The following DAPK1 variants were observed in gnomAD, a reference collection of about 807,000 sequenced individuals.
DAPK1 encodes death-associated protein kinase 1.
A neutral mutation model predicts 144.9 loss-of-function variants in DAPK1; 56 were observed. That is an observed-to-expected ratio of 0.39 (90% CI 0.31 to 0.48). The LOEUF is 0.48. Among genes scored for constraint, DAPK1 ranks in the 20% least tolerant of loss-of-function variants. The pLI, the probability that DAPK1 is intolerant of heterozygous loss-of-function variation, is 0.95. For missense variants in DAPK1, 1,454 were observed against 1,875.4 expected, an observed-to-expected ratio of 0.78 and a Z score of 4.15; for synonymous variants, 690 against 749.0, an observed-to-expected ratio of 0.92 and a Z score of 1.29.
intron 2 of DAPK1, among the ~76,000 whole-genome samples, chr9:87,584,585 TCTC>T (rs1827873094): frequency 6.6e-6 from 1 of 152,208 alleles, no homozygotes; most frequent in South Asian, 2.1e-4. Flanking sequence ...GTACAAGGGT[TCTC>T]TTTTCTCCAC....
rs145593812 is a variant in DAPK1, at chr9:87,636,201, C to G, written c.285-1742C>G. Among the ~76,000 whole-genome samples, 435 of 152,290 alleles carry G rather than the reference C, an allele frequency of 2.9e-3. 2 individuals carry two copies. Among genetic ancestry groups the G allele is most frequent in the African/African-American group, 9.8e-3 (409 of 41,572 alleles). The stretch of plus-strand genomic sequence containing the variant: ...GGTCAGGAGGAGAGCAAGGCCACTG[C>G]TGAGGCAGGGTCCATGTAGGACACC... On this transcript the variant is annotated intron_variant, in intron 3 of 25. Coordinates refer to ENST00000408954, the MANE Select transcript of DAPK1 (RefSeq NM_004938.4).
At chr9:87,617,152 G>A (rs949911601) in intron 3 of DAPK1, among the ~76,000 whole-genome samples, 1 of 152,170 alleles carries the variant, frequency 6.6e-6, no homozygotes, top group Non-Finnish European at 1.5e-5. Context: ...CATAGTTAGG[G>A]TCCATTTGAT....
chr9:87,520,646 A>G (rs1825261736), intron 2 of DAPK1, among the ~76,000 whole-genome samples: 1 of 152,184 alleles, frequency 6.6e-6, no homozygotes, highest in Non-Finnish European at 1.5e-5. Context: ...CCTCGAAGAT[A>G]GGTGGGAAGT....
intron 2 of DAPK1, among the ~76,000 whole-genome samples, chr9:87,584,434 G>C (rs1420470455): frequency 6.6e-6 from 1 of 152,016 alleles, no homozygotes; most frequent in African/African-American, 2.4e-5. Flanking sequence ...ACATCTCTTT[G>C]ACATACTGAT....
At chr9:87,575,411 G>A (rs1020439427) in intron 2 of DAPK1, among the ~76,000 whole-genome samples, 15 of 152,032 alleles carry the variant, frequency 9.9e-5, no homozygotes, top group Non-Finnish European at 1.8e-4. Context: ...AATGGGCCTC[G>A]CCTCAGCACC....
At chr9:87,664,500 A>G (rs1830982124) in intron 18 of DAPK1, among the ~76,000 whole-genome samples, 1 of 152,010 alleles carries the variant, frequency 6.6e-6, no homozygotes, top group Non-Finnish European at 1.5e-5. Context: ...CTCCTCATCC[A>G]TCAACATTCA....
intron 17 of DAPK1, among the ~76,000 whole-genome samples, chr9:87,652,861 C>CA (rs1830502715): frequency 2.2e-5 from 3 of 136,482 alleles, no homozygotes; most frequent in Admixed American, 7.5e-5. Context: ...GTGTCCATCC[C>CA]CCCGATCCCG....
intron 21 of DAPK1, among the ~76,000 whole-genome samples, chr9:87,693,162 A>G (rs1356999093): frequency 3.3e-5 from 5 of 151,536 alleles, no homozygotes; most frequent in Non-Finnish European, 7.4e-5. Flanking sequence ...TTTAATAAAT[A>G]GATTTTTTAT....
intron 2 of DAPK1, among the ~76,000 whole-genome samples, chr9:87,583,935 G>C (rs1417119811): frequency 6.6e-6 from 1 of 152,128 alleles, no homozygotes; most frequent in African/African-American, 2.4e-5. Flanking sequence ...ACTTCCCAAG[G>C]AGGACCACAC....
rs1554684284 is a variant in DAPK1 at position 87,571,498 on chromosome 9, A to ACACACACACACACACACACACACACAC, written c.63-33456_63-33455insCACACACACACACACACACACACACAC. On this transcript the variant is annotated intron_variant, in intron 2 of 25. Transcript: ENST00000408954. ...ACCAACACACACACACACACACCCC[A>ACACACACACACACACACACACACACAC]ACACACACACACACACACACACACA... 4.5e-4 allele frequency among the ~76,000 whole-genome samples: 21 copies of ACACACACACACACACACACACACACAC among 46,500 alleles called. 1 individual carries two copies. The highest frequency in any genetic ancestry group is 2.5e-3 in the Admixed American group (9 of 3,550). The allele number at this position is 46,500 out of a possible 152,430, so 30.5% of individuals were successfully genotyped here. A position where few individuals can be genotyped will look rare whatever the true frequency, so the allele number is the denominator to read the frequency against.
At chr9:87,675,472 G>C (rs1465393856) in intron 19 of DAPK1, among the ~76,000 whole-genome samples, 3 of 152,124 alleles carry the variant, frequency 2.0e-5, no homozygotes, top group Admixed American at 2.0e-4. Flanking sequence ...AACTGGGCTA[G>C]GGTCAGAGGA....
intron 23 of DAPK1, 33 bp downstream of exon 23, chr9:87,698,827 G>A (rs779778355): frequency 7.0e-7 from 1 of 1,420,330 alleles, no homozygotes; most frequent in South Asian, 1.2e-5. Context: ...CCAGCTCACG[G>A]GTAGCCTCCT....
At chr9:87,688,364 C>T (rs370018932) in intron 21 of DAPK1, among the ~76,000 whole-genome samples, 4 of 152,140 alleles carry the variant, frequency 2.6e-5, no homozygotes, top group African/African-American at 4.8e-5. Context: ...AGGTTGACTC[C>T]GTGTCGTTGC....
intron 20 of DAPK1, among the ~76,000 whole-genome samples, chr9:87,683,440 G>A (rs942692762): frequency 2.6e-5 from 4 of 152,114 alleles, no homozygotes; most frequent in Non-Finnish European, 4.4e-5. Flanking sequence ...TCCCTTAGAG[G>A]GAGGCAGCAC....
At chr9:87,615,837 C>T (rs548857117) in intron 3 of DAPK1, among the ~76,000 whole-genome samples, 6 of 152,324 alleles carry the variant, frequency 3.9e-5, no homozygotes, top group Admixed American at 6.5e-5. Flanking sequence ...TCACAGGAGC[C>T]GGTAGAGAGA....
intron 2 of DAPK1, among the ~76,000 whole-genome samples, chr9:87,524,243 T>C (rs755063782): frequency 6.6e-6 from 1 of 152,216 alleles, no homozygotes; most frequent in Non-Finnish European, 1.5e-5. Flanking sequence ...CAGCATGCCC[T>C]GACCTTGGAA....
intron 2 of DAPK1, among the ~76,000 whole-genome samples, chr9:87,598,197 A>G (rs971982842): frequency 1.3e-5 from 2 of 152,228 alleles, no homozygotes; most frequent in African/African-American, 2.4e-5. Context: ...TCTTCTGCAA[A>G]AATAGATCAC....
chr9:87,632,890 A>C, intron 3 of DAPK1: 4 of 929,064 alleles, frequency 4.3e-6, no homozygotes, highest in Non-Finnish European at 5.1e-6. Flanking sequence ...ACATGTAGGG[A>C]TGAAGGAGGA....
intron 2 of DAPK1, among the ~76,000 whole-genome samples, chr9:87,514,602 T>A (rs58920054): frequency 0.17 from 25,542 of 152,206 alleles, 2,580 homozygotes; most frequent in East Asian, 0.34. Flanking sequence ...CAGCCCCAAA[T>A]TGAACATTTA....
Sources: allele counts gnomAD v4.1 joint callset (sites outside exome capture counted in the v4.1 genomes callset), GRCh38; gene constraint gnomAD v4.1.1; transcripts MANE v1.5; gene names NCBI Gene and HGNC (gene_info 2026-07-23, HGNC 2026-07-21).